ARMH4: variants seen among roughly 807,000 people sequenced by gnomAD.
ARMH4 encodes armadillo-like helical domain-containing protein 4.
A neutral mutation model predicts 61.9 loss-of-function variants in ARMH4; 49 were observed. That is an observed-to-expected ratio of 0.79 (90% confidence interval 0.63 to 1.00). ARMH4 has a LOEUF of 1.00. Ranked by LOEUF, ARMH4 falls within the 50% of genes least tolerant of loss-of-function variation. ARMH4 has a pLI of 0.00. For synonymous variants in ARMH4, 368 were observed against 341.5 expected (o/e 1.08, Z -0.85); for missense variants, 934 against 930.0 (o/e 1.00, Z -0.06).
intron 5 of ARMH4, among the ~76,000 whole-genome samples, chr14:58,083,279 T>C (rs1355086051): frequency 2.6e-5 from 4 of 152,276 alleles, no homozygotes; most frequent in African/African-American, 9.6e-5. Flanking sequence ...TTTGGAATAA[T>C]GGAAAGATAT....
chr14:58,016,770 C>T (rs1423553663), intron 5 of ARMH4, among the ~76,000 whole-genome samples: 1 of 152,098 alleles, frequency 6.6e-6, no homozygotes, highest in Non-Finnish European at 1.5e-5. Flanking sequence ...GAGCACAGTG[C>T]TATAATAAGG....
At chr14:58,009,576 C>T (rs895215288) in intron 6 of ARMH4, among the ~76,000 whole-genome samples, 3 of 151,890 alleles carry the variant, frequency 2.0e-5, no homozygotes, top group Non-Finnish European at 2.9e-5. Flanking sequence ...TTTGGGAGGC[C>T]GAGGCAAGCA....
chr14:58,054,529 G>T lies in ARMH4; in HGVS notation c.2089+42195C>A, dbSNP rs554188911. On this transcript the variant is annotated intron_variant, in intron 5 of 7. Coordinates refer to ENST00000267485, the MANE Select transcript of ARMH4 (RefSeq NM_001001872.4). ...CTTGCCAGTGAAACCACCAAGGCCT[G>T]CAGTAGTACATACAATTTGTATGTG... 8.1e-4 allele frequency among the ~76,000 whole-genome samples: 123 copies of T among 152,322 alleles called. 2 individuals are homozygous for T. Among genetic ancestry groups the T allele is most frequent in the Admixed American group, 6.3e-3 (97 of 15,296 alleles).
At chr14:58,016,774 A>C (rs1010150225) in intron 5 of ARMH4, among the ~76,000 whole-genome samples, 1 of 152,180 alleles carries the variant, frequency 6.6e-6, no homozygotes, top group Non-Finnish European at 1.5e-5. Context: ...ACAGTGCTAT[A>C]ATAAGGCCTC....
intron 5 of ARMH4, among the ~76,000 whole-genome samples, chr14:58,028,473 G>C (rs1017213317): frequency 6.6e-6 from 1 of 152,162 alleles, no homozygotes; most frequent in African/African-American, 2.4e-5. Flanking sequence ...CTCAGAAACA[G>C]AGGTGCTCCT....
At chr14:58,137,228 T>A (rs1241446279) in intron 2 of ARMH4, among the ~76,000 whole-genome samples, 1 of 152,196 alleles carries the variant, frequency 6.6e-6, no homozygotes, top group Non-Finnish European at 1.5e-5. Context: ...GGGGCTGTCC[T>A]ACGTAGTCTA....
At chr14:58,104,867 A>G (rs963345371) in intron 4 of ARMH4, among the ~76,000 whole-genome samples, 9 of 152,246 alleles carry the variant, frequency 5.9e-5, no homozygotes, top group Admixed American at 3.9e-4. Context: ...AATGAGATAG[A>G]TGCGGTTTTT....
intron 5 of ARMH4, among the ~76,000 whole-genome samples, chr14:58,032,885 T>A: frequency 6.6e-6 from 1 of 151,958 alleles, no homozygotes; most frequent in Non-Finnish European, 1.5e-5. Flanking sequence ...ATACCACACC[T>A]GGCTCGGAGG....
chr14:58,136,627 A>G (rs1270181295), intron 2 of ARMH4, among the ~76,000 whole-genome samples: 1 of 152,182 alleles, frequency 6.6e-6, no homozygotes, highest in Non-Finnish European at 1.5e-5. Flanking sequence ...TACTGATTTG[A>G]TATTTTCTAT....
chr14:58,103,598 A>ATT (rs5808959), intron 4 of ARMH4, among the ~76,000 whole-genome samples: 54 of 150,336 alleles, frequency 3.6e-4, no homozygotes, highest in African/African-American at 2.0e-4. Flanking sequence ...AGAGCACTAT[A>ATT]TTTTTTTTTG....
At chr14:58,025,887 C>T (rs181911993) in intron 5 of ARMH4, among the ~76,000 whole-genome samples, 2 of 152,134 alleles carry the variant, frequency 1.3e-5, no homozygotes, top group Non-Finnish European at 2.9e-5. Context: ...GAACATTAAT[C>T]GTCTATCTAA....
At chr14:58,056,033 T>C (rs1884335567) in intron 5 of ARMH4, among the ~76,000 whole-genome samples, 2 of 152,232 alleles carry the variant, frequency 1.3e-5, no homozygotes, top group African/African-American at 2.4e-5. Flanking sequence ...GGTGAGAATA[T>C]TTCCTTTTAA....
intron 5 of ARMH4, among the ~76,000 whole-genome samples, chr14:58,063,128 G>A (rs1232582923): frequency 1.3e-5 from 2 of 152,128 alleles, no homozygotes; most frequent in Non-Finnish European, 2.9e-5. Context: ...AGCTCCAGGG[G>A]ATCCTTAGCT....
intron 5 of ARMH4, among the ~76,000 whole-genome samples, chr14:58,051,894 T>C (rs987569567): frequency 6.6e-6 from 1 of 152,132 alleles, no homozygotes; most frequent in Non-Finnish European, 1.5e-5. Flanking sequence ...TAGGCCTGAT[T>C]ATCTAGTTAA....
At chr14:58,021,166 G>A (rs1376453720) in intron 5 of ARMH4, among the ~76,000 whole-genome samples, 1 of 152,216 alleles carries the variant, frequency 6.6e-6, no homozygotes, top group African/African-American at 2.4e-5. Context: ...CCAGTCTACA[G>A]ATTCAAATGC....
chr14:58,113,456 T>C (rs1886419167), intron 4 of ARMH4, among the ~76,000 whole-genome samples: 1 of 152,210 alleles, frequency 6.6e-6, no homozygotes, highest in Non-Finnish European at 1.5e-5. Flanking sequence ...TTTGGTGTGC[T>C]TGTGTTTGCA....
chr14:58,016,686 G>T (rs1286659294), intron 5 of ARMH4, among the ~76,000 whole-genome samples: 1 of 152,150 alleles, frequency 6.6e-6, no homozygotes, highest in Non-Finnish European at 1.5e-5. Context: ...TCACAGCTCA[G>T]CCCACAGCTA....
At chr14:58,061,714 T>C (rs935288160) in intron 5 of ARMH4, among the ~76,000 whole-genome samples, 1 of 152,142 alleles carries the variant, frequency 6.6e-6, no homozygotes, top group Non-Finnish European at 1.5e-5. Flanking sequence ...GATCCATCTC[T>C]GCACCAAAAG....
At position 58,088,791 on chromosome 14, in the gene ARMH4, G is replaced by GT. The variant is rs200156314; in HGVS notation, c.2089+7932dup. Among the ~76,000 whole-genome samples the GT allele has an allele frequency of 8.7e-3, 1,317 of 151,920 alleles. 15 individuals carry two copies. Among genetic ancestry groups the GT allele is most frequent in the African/African-American group, 0.03 (1,253 of 41,432 alleles). ...TCTATATGATTATAAAAAGCTGAGGGTTTTTTTTAAGACACATTAATCCAA... is the reference window on the plus strand; with the variant it reads ...TCTATATGATTATAAAAAGCTGAGGGTTTTTTTTTAAGACACATTAATCCAA... On this transcript the variant is annotated intron_variant, in intron 5 of 7. Coordinates refer to ENST00000267485, the MANE Select transcript of ARMH4 (RefSeq NM_001001872.4).
Sources: gnomAD v4.1 joint callset for allele counts (sites outside exome capture counted in the v4.1 genomes callset) on GRCh38, gnomAD v4.1.1 for gene constraint, MANE v1.5 for transcripts, NCBI Gene and HGNC (gene_info 2026-07-23, HGNC 2026-07-21) for gene names.